Variants in C10orf67 observed in about 807,000 individuals in gnomAD.
C10orf67 encodes the protein uncharacterized protein C10orf67, mitochondrial.
Under a neutral mutation model 35.6 loss-of-function variants are expected in C10orf67, and 60 were observed. The observed-to-expected ratio is 1.68, with a 90% CI of 1.37 to 2.09. The LOEUF is 2.09. Ranked by LOEUF, C10orf67 falls within the 30% of genes most tolerant of loss-of-function variation. The pLI is 0.00. For synonymous variants in C10orf67, 167 were observed against 115.8 expected, an observed-to-expected ratio of 1.44 and a Z score of -2.84; for missense variants, 474 against 330.2, an observed-to-expected ratio of 1.44 and a Z score of -3.38.
intron 1 of C10orf67, among the ~76,000 whole-genome samples, chr10:23,340,580 T>TCCTA (rs1007085504): frequency 3.9e-5 from 6 of 152,272 alleles, no homozygotes; most frequent in South Asian, 2.1e-4. Flanking sequence ...ATTTCACCAG[T>TCCTA]CCTAACTCTT....
intron 13 of C10orf67, among the ~76,000 whole-genome samples, chr10:23,235,523 T>C (rs182182712): frequency 1.3e-5 from 2 of 152,308 alleles, no homozygotes; most frequent in African/African-American, 4.8e-5. Context: ...GAATGGGCAG[T>C]TGTTTTTTAA....
chr10:23,231,768 C>A (rs1353751800), intron 13 of C10orf67, among the ~76,000 whole-genome samples: 1 of 152,062 alleles, frequency 6.6e-6, no homozygotes, highest in Non-Finnish European at 1.5e-5. Flanking sequence ...TGATGAGCAG[C>A]AGAATGGGTA....
Position 23,283,070 on chromosome 10 carries a change from A to G in C10orf67, c.910-992T>C, listed in dbSNP as rs554200809. 4.6e-5 allele frequency among the ~76,000 whole-genome samples: 7 copies of G among 152,290 alleles called. No homozygotes were observed. In the South Asian group the frequency reaches 1.4e-3, roughly 32 times the overall value. ...AAAATAACTAAAAGAGTATAAATGG[A>G]TTGTTCGTAATACAAAGGATAAATG... On this transcript the variant is annotated intron_variant, in intron 7 of 15. Coordinates refer to ENST00000636213, the MANE Select transcript of C10orf67 (RefSeq NM_001371909.1).
rs1210911543 is a variant in C10orf67, at chr10:23,280,499, G to C, written c.975+1514C>G. Among the ~76,000 whole-genome samples the C allele has an allele frequency of 3.3e-5, 5 of 152,118 alleles. No homozygotes were observed. The South Asian group carries it at 6.2e-4, about 19-fold the overall frequency. On this transcript the variant is annotated intron_variant, in intron 8 of 15. Transcript: ENST00000636213. ...GAGAAGGTGGCGAAATAGTGACCTC[G>C]ATGGGTCCAAAGCAGGTATGCAATG...
chr10:23,326,143 A>G lies in C10orf67; in HGVS notation c.328-3606T>C, dbSNP rs534686301. On this transcript the variant is annotated intron_variant, in intron 2 of 15. Coordinates refer to ENST00000636213, the MANE Select transcript of C10orf67 (RefSeq NM_001371909.1). ...ATTTGAAGATATATTTAGTGGCTCC[A>G]AATCTCCCAAATTTGGTGAAACATG... is the stretch of plus-strand genomic sequence containing the variant. Among the ~76,000 whole-genome samples, 330 of 152,276 alleles carry G rather than the reference A, an allele frequency of 2.2e-3. 4 individuals are homozygous for G. The highest frequency in any genetic ancestry group is 7.7e-3 in the African/African-American group (320 of 41,578).
chr10:23,318,024 T>C (rs1158437954), intron 4 of C10orf67: 1 of 135,290 alleles, frequency 7.4e-6, no homozygotes, highest in Non-Finnish European at 1.5e-5. Flanking sequence ...ATCACTTGAG[T>C]CCAGAAGTTT....
intron 2 of C10orf67, among the ~76,000 whole-genome samples, chr10:23,325,411 T>A (rs11013389): frequency 0.18 from 26,786 of 148,136 alleles, 2,684 homozygotes; most frequent in Admixed American, 0.29. Flanking sequence ...GAGAGATACA[T>A]ACATGGGGCA....
At chr10:23,258,671 A>G (rs1476875343) in intron 10 of C10orf67, 1 of 152,278 alleles carries the variant, frequency 6.6e-6, no homozygotes, top group Non-Finnish European at 1.5e-5. Context: ...AACATTGGCC[A>G]GATTTTATGG....
chr10:23,335,464 G>A (rs1845644556), intron 1 of C10orf67, among the ~76,000 whole-genome samples: 1 of 152,178 alleles, frequency 6.6e-6, no homozygotes. Context: ...AATTTAGTGT[G>A]TTAATACTTA....
At chr10:23,295,299 G>A (rs1343287816) in intron 5 of C10orf67, among the ~76,000 whole-genome samples, 1 of 152,196 alleles carries the variant, frequency 6.6e-6, no homozygotes, top group Non-Finnish European at 1.5e-5. Context: ...TTTTCACAAA[G>A]CCACAGCCCA....
At chr10:23,313,268 T>A (rs1215104596) in intron 4 of C10orf67, among the ~76,000 whole-genome samples, 2 of 152,250 alleles carry the variant, frequency 1.3e-5, no homozygotes, top group Non-Finnish European at 2.9e-5. Flanking sequence ...GTACAAGGAC[T>A]GGCTCTGGGC....
chr10:23,267,210 G>T lies in C10orf67; in HGVS notation c.1020C>A (p.Gly340=). The change falls in exon 9 of 16, where the codon GGC becomes GGA. Residue 340 remains glycine (G), a synonymous_variant. Coordinates refer to ENST00000636213, the MANE Select transcript of C10orf67 (RefSeq NM_001371909.1). ...KEDKEMRKKY[G]SLSVKVARSA... The stretch of plus-strand genomic sequence containing the variant: ...AAATACAAACCTTTACACTTAAGCT[G>T]CCATACTTTTTTCTCATTTCCTTGT... 1.4e-6 allele frequency: 1 copy of T among 715,868 alleles called. No homozygotes were observed. The highest frequency in any genetic ancestry group is 2.6e-6 in the Non-Finnish European group (1 of 384,724). The allele number at this position is 715,868 out of a possible 1,614,324, so 44.3% of individuals were successfully genotyped here.
At chr10:23,276,495 A>G (rs1165226853) in intron 8 of C10orf67, among the ~76,000 whole-genome samples, 1 of 151,880 alleles carries the variant, frequency 6.6e-6, no homozygotes, top group Non-Finnish European at 1.5e-5. Flanking sequence ...AAATATATAA[A>G]GTGGTGTGTG....
chr10:23,286,209 T>C (rs977239178), intron 7 of C10orf67, among the ~76,000 whole-genome samples: 2 of 150,960 alleles, frequency 1.3e-5, no homozygotes, highest in Non-Finnish European at 2.9e-5. Context: ...CTGGGCAATA[T>C]AGGGAGACCC....
At chr10:23,275,804 T>C (rs1843171282) in intron 8 of C10orf67, among the ~76,000 whole-genome samples, 1 of 152,212 alleles carries the variant, frequency 6.6e-6, no homozygotes, top group African/African-American at 2.4e-5. Context: ...TTTGTAATAC[T>C]GTATCTAGAA....
chr10:23,271,411 TTTTA>T (rs549323326), intron 8 of C10orf67, among the ~76,000 whole-genome samples: 116 of 152,362 alleles, frequency 7.6e-4, no homozygotes, highest in African/African-American at 2.7e-3. Context: ...GAACATGTGC[TTTTA>T]TTTATCTTGG....
intron 10 of C10orf67, among the ~76,000 whole-genome samples, chr10:23,263,342 C>T (rs1395831272): frequency 6.6e-6 from 1 of 152,140 alleles, no homozygotes; most frequent in African/African-American, 2.4e-5. Flanking sequence ...CTTCAACCAT[C>T]TAGCCTATAA....
Position 23,223,476 on chromosome 10 carries a change from G to A in C10orf67, c.1570+122C>T. On this transcript the variant is annotated intron_variant, in intron 15 of 15. Coordinates refer to ENST00000636213, the MANE Select transcript of C10orf67 (RefSeq NM_001371909.1). ...TGTGCAATAATTTTATAAAGTGGCTGAAAAAAGTCATGCATTCACCCAGAA... is the reference window on the plus strand; with the variant it reads ...TGTGCAATAATTTTATAAAGTGGCTAAAAAAAGTCATGCATTCACCCAGAA... 4.5e-6 allele frequency: 3 copies of A among 662,636 alleles called. No individual in the cohort carries two copies. In the East Asian group the frequency reaches 8.1e-5, roughly 18 times the overall value. The allele number at this position is 662,636 out of a possible 1,614,324, so 41.0% of individuals were successfully genotyped here.
At position 23,250,615 on chromosome 10, in the gene C10orf67, T is replaced by A. The variant is rs1420932640; in HGVS notation, c.1277A>T (p.Glu426Val). Residue 426 changes from glutamate (E) to valine (V), a missense_variant, in exon 11 of 16, where the codon GAA becomes GTA. Physicochemically the swap from Glu to Val is moderately radical, Grantham distance 121. Coordinates refer to ENST00000636213, the MANE Select transcript of C10orf67 (RefSeq NM_001371909.1). ...ANLENEKKKV[E>V]RFRKEADRLN... ...CCTTTTACTCTATTACCAGTACCTTTCCACCTTCTTTTTCTCATTCTCTAA... is the reference window on the plus strand; with the variant it reads ...CCTTTTACTCTATTACCAGTACCTTACCACCTTCTTTTTCTCATTCTCTAA... The A allele has an allele frequency of 5.0e-6, 2 of 398,586 alleles. No individual in the cohort carries two copies. The highest frequency in any genetic ancestry group is 8.9e-6 in the Non-Finnish European group (2 of 225,890). 24.7% of individuals were successfully genotyped at this position (398,586 alleles called of 1,614,324 possible).
Sources: gnomAD v4.1 joint callset for allele counts (sites outside exome capture counted in the v4.1 genomes callset) on GRCh38, gnomAD v4.1.1 for gene constraint, MANE v1.5 for transcripts, NCBI Gene and HGNC (gene_info 2026-07-23, HGNC 2026-07-21) for gene names.